Variants in SGCZ observed in about 807,000 individuals in gnomAD.
The protein encoded by SGCZ is sarcoglycan zeta.
Under a neutral mutation model 41.3 loss-of-function variants are expected in SGCZ, and 40 were observed. The ratio of observed to expected loss-of-function variants is 0.97; its 90% CI spans 0.75 to 1.26. The LOEUF (loss-of-function observed/expected upper bound fraction) is 1.26. Ranked by LOEUF, SGCZ falls within the 50% of genes most tolerant of loss-of-function variation. SGCZ has a pLI of 0.00. For missense variants in SGCZ, 552 were observed against 369.8 expected, an observed-to-expected ratio of 1.49 and a Z score of -4.04; for synonymous variants, 206 against 137.5, an observed-to-expected ratio of 1.50 and a Z score of -3.49.
chr8:14,689,214 G>C (rs1009604347), intron 1 of SGCZ, among the ~76,000 whole-genome samples: 9 of 151,888 alleles, frequency 5.9e-5, no homozygotes, highest in South Asian at 2.1e-4. Flanking sequence ...AATTTTAATT[G>C]TTTATTTTAA....
At chr8:14,715,563 C>G (rs1438286384) in intron 1 of SGCZ, among the ~76,000 whole-genome samples, 1 of 148,846 alleles carries the variant, frequency 6.7e-6, no homozygotes, top group Admixed American at 6.8e-5. Flanking sequence ...CACACACAAA[C>G]ATGCACACAT....
intron 2 of SGCZ, among the ~76,000 whole-genome samples, chr8:14,353,914 G>C (rs1427092590): frequency 6.6e-6 from 1 of 151,980 alleles, no homozygotes; most frequent in Admixed American, 6.6e-5. Flanking sequence ...GATTCTAAGA[G>C]CTACTTCTCT....
chr8:14,600,281 G>C (rs1055276765), intron 1 of SGCZ, among the ~76,000 whole-genome samples: 2 of 152,080 alleles, frequency 1.3e-5, no homozygotes, highest in Non-Finnish European at 2.9e-5. Context: ...CTCAATTCCT[G>C]TGCATTTCTC....
chr8:14,131,970 A>G (rs967060998), intron 5 of SGCZ, among the ~76,000 whole-genome samples: 2 of 152,166 alleles, frequency 1.3e-5, no homozygotes, highest in Admixed American at 6.5e-5. Flanking sequence ...TATGATGTTC[A>G]CATAATGATG....
At chr8:14,617,306 GATA>G (rs1806136910) in intron 1 of SGCZ, among the ~76,000 whole-genome samples, 2 of 152,190 alleles carry the variant, frequency 1.3e-5, no homozygotes, top group South Asian at 2.1e-4. Flanking sequence ...TGTGTGATTT[GATA>G]ATATGTGCAA....
chr8:14,434,412 A>T (rs1470562844), intron 2 of SGCZ, among the ~76,000 whole-genome samples: 1 of 151,958 alleles, frequency 6.6e-6, no homozygotes, highest in Admixed American at 6.6e-5. Context: ...ATGCCTCCAG[A>T]TTTGTTCTTT....
chr8:14,738,069 A>T (rs1799098362), intron 1 of SGCZ, among the ~76,000 whole-genome samples: 1 of 152,144 alleles, frequency 6.6e-6, no homozygotes, highest in Non-Finnish European at 1.5e-5. Flanking sequence ...TTCGCACTTT[A>T]GTCTCCATAC....
rs918393348 is a variant in SGCZ at position 14,296,183 on chromosome 8, C to T, written c.336+27920G>A. Among the ~76,000 whole-genome samples, 15 of 152,130 alleles carry T rather than the reference C, an allele frequency of 9.9e-5. 1 individual carries two copies. Among genetic ancestry groups the T allele is most frequent in the East Asian group, 5.8e-4 (3 of 5,170 alleles). ...TCTATCTGATCTGGCAGGAGACTAA[C>T]GTCCTGCAAAAACCAAAGCCAACAC... On this transcript the variant is annotated intron_variant, in intron 3 of 7. Coordinates refer to ENST00000382080, the MANE Select transcript of SGCZ (RefSeq NM_139167.4).
intron 1 of SGCZ, among the ~76,000 whole-genome samples, chr8:15,191,883 T>C (rs1305658139): frequency 1.3e-5 from 2 of 152,070 alleles, no homozygotes; most frequent in African/African-American, 2.4e-5. Flanking sequence ...ATTAAACTTT[T>C]ATCTACCCAC....
Position 15,100,298 on chromosome 8 carries a change from T to C in SGCZ, c.39+137287A>G, listed in dbSNP as rs539734438. On this transcript the variant is annotated intron_variant, in intron 1 of 7. Transcript: ENST00000382080. The stretch of plus-strand genomic sequence containing the variant: ...TATATAAAAGTCCATTTATTTTTTA[T>C]ATTTCAGCACCAAAAAAATGTAATT... Among the ~76,000 whole-genome samples, 21 of 152,330 alleles carry C rather than the reference T, an allele frequency of 1.4e-4. 1 individual carries two copies. In the South Asian group the frequency reaches 2.3e-3, roughly 17 times the overall value.
chr8:14,631,020 TA>T (rs199514615), intron 1 of SGCZ, among the ~76,000 whole-genome samples: 1,694 of 151,738 alleles, frequency 0.011, 28 homozygotes, highest in African/African-American at 0.039. Context: ...TAAAGTATAA[TA>T]AAAAAATAAA....
chr8:14,682,227 A>G (rs540735016), intron 1 of SGCZ, among the ~76,000 whole-genome samples: 1 of 152,268 alleles, frequency 6.6e-6, no homozygotes, highest in Admixed American at 6.5e-5. Context: ...AAACTTTAAC[A>G]GGAATATAAA....
intron 2 of SGCZ, among the ~76,000 whole-genome samples, chr8:14,456,261 A>G (rs1375928580): frequency 6.6e-6 from 1 of 152,062 alleles, no homozygotes; most frequent in African/African-American, 2.4e-5. Flanking sequence ...ATACAAAATT[A>G]GCCGGGTGTG....
chr8:14,327,072 G>C (rs1802146402), intron 2 of SGCZ, among the ~76,000 whole-genome samples: 1 of 152,136 alleles, frequency 6.6e-6, no homozygotes, highest in African/African-American at 2.4e-5. Context: ...AGTGGGGTTG[G>C]GTTACCAAAA....
intron 5 of SGCZ, among the ~76,000 whole-genome samples, chr8:14,120,568 T>C (rs1170828180): frequency 6.6e-6 from 1 of 152,082 alleles, no homozygotes; most frequent in Non-Finnish European, 1.5e-5. Flanking sequence ...AGGAAAAATA[T>C]AGATCTATAA....
intron 1 of SGCZ, among the ~76,000 whole-genome samples, chr8:14,846,887 C>T (rs114462692): frequency 9.0e-4 from 137 of 151,646 alleles, no homozygotes; most frequent in Non-Finnish European, 1.5e-3. Flanking sequence ...CTGGGCAACT[C>T]GGTGAAACGA....
chr8:15,130,324 G>T (rs909236505), intron 1 of SGCZ, among the ~76,000 whole-genome samples: 1 of 152,142 alleles, frequency 6.6e-6, no homozygotes, highest in Non-Finnish European at 1.5e-5. Flanking sequence ...TAATCTGCAG[G>T]CTCAGCACTT....
intron 2 of SGCZ, among the ~76,000 whole-genome samples, chr8:14,522,825 A>G (rs1341275596): frequency 6.6e-6 from 1 of 151,668 alleles, no homozygotes; most frequent in Non-Finnish European, 1.5e-5. Flanking sequence ...AATTATTCAT[A>G]TGGGATCTTT....
intron 5 of SGCZ, chr8:14,161,294 T>G (rs1224309759): frequency 6.6e-6 from 1 of 152,222 alleles, no homozygotes; most frequent in Non-Finnish European, 1.5e-5. Context: ...TTTTCTTTCT[T>G]TAAGGAATAT....
Sources: allele counts gnomAD v4.1 joint callset (sites outside exome capture counted in the v4.1 genomes callset), GRCh38; gene constraint gnomAD v4.1.1; transcripts MANE v1.5; gene names NCBI Gene and HGNC (gene_info 2026-07-23, HGNC 2026-07-21).